Variants in LAMC1 observed in about 807,000 individuals in gnomAD.
LAMC1 encodes the protein laminin subunit gamma-1.
In LAMC1, 38 loss-of-function variants were observed where a neutral mutation model predicts 173.6. The observed-to-expected ratio is 0.22, with a 90% CI of 0.17 to 0.29. LAMC1 has a LOEUF of 0.29. Ranked by LOEUF, LAMC1 falls within the 10% of genes least tolerant of loss-of-function variation. The probability of loss-of-function intolerance (pLI) is 1.00; values close to 1 mark genes in which losing one functional copy is unlikely to be tolerated. For synonymous variants in LAMC1, 746 were observed against 749.1 expected (o/e 1.00, Z 0.07); for missense variants, 1,824 against 2,051.8 (o/e 0.89, Z 2.14).
intron 15 of LAMC1, 84 bp from the exon 16 acceptor site, chr1:183,126,036 C>A: frequency 7.9e-7 from 1 of 1,273,400 alleles, no homozygotes; most frequent in Non-Finnish European, 1.1e-6. Flanking sequence ...TTACAAATTA[C>A]ATCAGTGCTA....
intron 1 of LAMC1, among the ~76,000 whole-genome samples, chr1:183,034,794 G>A (rs1653936396): frequency 6.6e-6 from 1 of 152,180 alleles, no homozygotes. Context: ...CGTGCCAGAT[G>A]GATTCTGAGG....
At chr1:183,085,099 C>T (rs1655391450) in intron 1 of LAMC1, among the ~76,000 whole-genome samples, 1 of 151,936 alleles carries the variant, frequency 6.6e-6, no homozygotes, top group African/African-American at 2.4e-5. Context: ...TGCCTGTAAT[C>T]CCAGCTACTC....
intron 1 of LAMC1, among the ~76,000 whole-genome samples, chr1:183,025,207 A>T (rs745766166): frequency 3.9e-5 from 6 of 152,208 alleles, no homozygotes; most frequent in Non-Finnish European, 8.8e-5. Flanking sequence ...TTGTAAGGCT[A>T]ATATCACTTA....
Position 183,042,830 on chromosome 1 carries a change from A to G in LAMC1, c.418+18696A>G, listed in dbSNP as rs1355335632. ...AGCCCTCTCCTGGCACTGAGATCCC[A>G]CTGTACCTTCTTGGTGTTGTGTACT... On this transcript the variant is annotated intron_variant, in intron 1 of 27. Transcript: ENST00000258341. Among the ~76,000 whole-genome samples, 3 of 151,920 alleles carry G rather than the reference A, an allele frequency of 2.0e-5. No individual in the cohort carries two copies. The East Asian group carries it at 5.8e-4, about 29-fold the overall frequency.
chr1:183,096,927 T>C (rs896617523), intron 1 of LAMC1, among the ~76,000 whole-genome samples: 6 of 152,218 alleles, frequency 3.9e-5, no homozygotes, highest in African/African-American at 1.4e-4. Flanking sequence ...TTTCAGCATC[T>C]GGAGTGACTG....
chr1:183,030,648 T>C (rs956712481), intron 1 of LAMC1, among the ~76,000 whole-genome samples: 3 of 152,192 alleles, frequency 2.0e-5, no homozygotes, highest in African/African-American at 7.2e-5. Flanking sequence ...AAAAAAGTAC[T>C]AAGGTATGGA....
chr1:183,129,276 G>A (rs528442833), intron 18 of LAMC1, among the ~76,000 whole-genome samples: 11 of 151,872 alleles, frequency 7.2e-5, no homozygotes, highest in Non-Finnish European at 1.6e-4. Flanking sequence ...TTTGAGTAGA[G>A]ATGGCGGTTC....
intron 1 of LAMC1, among the ~76,000 whole-genome samples, chr1:183,100,267 C>A (rs1190966026): frequency 6.6e-6 from 1 of 152,204 alleles, no homozygotes; most frequent in African/African-American, 2.4e-5. Context: ...TCCCCATCTT[C>A]GTTCCTGTCC....
At chr1:183,118,217 A>G in intron 11 of LAMC1, 71 bp downstream of exon 11, 1 of 880,832 alleles carries the variant, frequency 1.1e-6, no homozygotes, top group Non-Finnish European at 1.9e-6. Flanking sequence ...GATAATGCAA[A>G]AGTTTCTCTT....
intron 1 of LAMC1, among the ~76,000 whole-genome samples, chr1:183,095,135 G>A (rs959360046): frequency 6.6e-6 from 1 of 152,072 alleles, no homozygotes; most frequent in African/African-American, 2.4e-5. Flanking sequence ...GTGAGCCACC[G>A]CGCCCGGTGG....
intron 1 of LAMC1, among the ~76,000 whole-genome samples, chr1:183,071,417 G>T (rs939073050): frequency 6.6e-6 from 1 of 152,174 alleles, no homozygotes; most frequent in African/African-American, 2.4e-5. Context: ...GCCCTGGGAA[G>T]ACAAGTCTAC....
intron 1 of LAMC1, among the ~76,000 whole-genome samples, chr1:183,055,633 G>C (rs1654569876): frequency 6.6e-6 from 1 of 151,936 alleles, no homozygotes; most frequent in Admixed American, 6.6e-5. Context: ...CCAACATGGT[G>C]AAACCCCATC....
Position 183,133,895 on chromosome 1 carries a change from A to G in LAMC1, c.3849+345A>G, listed in dbSNP as rs531971083. On this transcript the variant is annotated intron_variant, in intron 22 of 27. Coordinates refer to ENST00000258341, the MANE Select transcript of LAMC1 (RefSeq NM_002293.4). ...TTAAATAGCAAAGACTACTTTAATG[A>G]TATGAACAATCACTCCTAAGTCTTT... is the stretch of plus-strand genomic sequence containing the variant. Among the ~76,000 whole-genome samples the G allele has an allele frequency of 8.7e-4, 133 of 152,362 alleles. 1 individual carries two copies. In the South Asian group the frequency reaches 0.027, roughly 31 times the overall value.
At chr1:183,107,300 G>T (rs1345793468) in intron 2 of LAMC1, among the ~76,000 whole-genome samples, 2 of 152,148 alleles carry the variant, frequency 1.3e-5, no homozygotes, top group Non-Finnish European at 2.9e-5. Context: ...TGTGGAAAAA[G>T]ACAATGTAAA....
intron 1 of LAMC1, among the ~76,000 whole-genome samples, chr1:183,067,376 C>T (rs1298703367): frequency 1.3e-5 from 2 of 152,106 alleles, no homozygotes; most frequent in Non-Finnish European, 2.9e-5. Context: ...CTAAAGTTGA[C>T]CACACAACTG....
At chr1:183,123,145 T>A (rs148840535) in intron 13 of LAMC1, among the ~76,000 whole-genome samples, 3 of 152,348 alleles carry the variant, frequency 2.0e-5, no homozygotes, top group African/African-American at 7.2e-5. Context: ...ATGCTGCCAT[T>A]AGCCTAGTTG....
At chr1:183,071,086 G>GT (rs1423165417) in intron 1 of LAMC1, among the ~76,000 whole-genome samples, 1,811 of 145,938 alleles carry the variant, frequency 0.012, 52 homozygotes, top group African/African-American at 0.044. Flanking sequence ...GGTTTTTTTT[G>GT]TTTTTGTTTT....
rs20557 is a variant in LAMC1, at chr1:183,124,740, T to C, written c.2511T>C (p.Asn837=). 914,060 of 1,613,798 alleles carry C rather than the reference T, an allele frequency of 0.57. 262,271 individuals carry two copies. The highest frequency in any genetic ancestry group is 0.66 in the Admixed American group (39,683 of 60,010). ...LCQCSDNIDP[N]AVGNCNRLTG... Reference sequence around the variant, plus strand: ...AGTGCAGTGACAACATCGATCCCAATGCAGTTGGAAATTGCAATCGCTTGA... The same window carrying C: ...AGTGCAGTGACAACATCGATCCCAACGCAGTTGGAAATTGCAATCGCTTGA... Residue 837 remains asparagine, a synonymous_variant, in exon 14 of 28, where the codon AAT becomes AAC. Transcript: ENST00000258341.
In LAMC1 at chr1:183,142,703, G is replaced by A. The variant is rs1264453351; in HGVS notation, c.4743G>A (p.Glu1581=). 6.2e-7 allele frequency: 1 copy of A among 1,613,958 alleles called. No individual in the cohort carries two copies. Among genetic ancestry groups the A allele is most frequent in the African/African-American group, 1.3e-5 (1 of 74,920 alleles). The change falls in exon 28 of 28, where the codon GAG becomes GAA. Residue 1581 remains glutamate, a synonymous_variant. Coordinates refer to ENST00000258341, the MANE Select transcript of LAMC1 (RefSeq NM_002293.4). The part of the protein sequence containing the change: ...AIMDYNRDIE[E]IMKDIRNLED... ...TGGACTATAACCGAGATATCGAGGAGATCATGAAGGACATTCGCAATCTGG... is the reference window on the plus strand; with the variant it reads ...TGGACTATAACCGAGATATCGAGGAAATCATGAAGGACATTCGCAATCTGG...
Sources: allele counts gnomAD v4.1 joint callset (sites outside exome capture counted in the v4.1 genomes callset), GRCh38; gene constraint gnomAD v4.1.1; transcripts MANE v1.5; gene names NCBI Gene and HGNC (gene_info 2026-07-23, HGNC 2026-07-21).